CSMD3: variants seen among roughly 807,000 people sequenced by gnomAD.
The protein encoded by CSMD3 is CUB and sushi domain-containing protein 3.
Under a neutral mutation model 435.2 loss-of-function variants are expected in CSMD3, and 177 were observed. That is an observed-to-expected ratio of 0.41 (90% CI 0.36 to 0.46). The LOEUF is 0.46. CSMD3 is among the 20% of genes least tolerant of loss of function. The probability of loss-of-function intolerance (pLI) is 0.34; values close to 1 mark genes in which losing one functional copy is unlikely to be tolerated. For synonymous variants in CSMD3, 1,656 were observed against 1,520.5 expected (o/e 1.09, Z -2.07); for missense variants, 4,265 against 4,504.6 (o/e 0.95, Z 1.52).
chr8:112,972,715 C>G (rs1157249134), intron 7 of CSMD3, among the ~76,000 whole-genome samples: 6 of 151,910 alleles, frequency 3.9e-5, no homozygotes, highest in African/African-American at 1.4e-4. Context: ...ATTATAAACA[C>G]TTATTCATTA....
chr8:112,323,378 T>C (rs1823185737), intron 45 of CSMD3, among the ~76,000 whole-genome samples: 1 of 152,060 alleles, frequency 6.6e-6, no homozygotes, highest in Admixed American at 6.6e-5. Flanking sequence ...TAATTCCCGC[T>C]GTACTGGGTT....
Position 112,292,652 on chromosome 8 carries a change from G to A in CSMD3, c.8673C>T (p.Phe2891=), listed in dbSNP as rs777412084. 8.1e-6 allele frequency: 13 copies of A among 1,613,642 alleles called. No individual in the cohort carries two copies. Among genetic ancestry groups the A allele is most frequent in the African/African-American group, 1.3e-5 (1 of 74,884 alleles). Residue 2891 remains phenylalanine, a synonymous_variant, in exon 55 of 71, where the codon TTC becomes TTT. Transcript: ENST00000297405. ...AGAATGTTACCACATCATTAAAGTT[G>A]AACCCATTTCCACTTGTTCTTCCAT... The part of the protein sequence containing the change: ...PIYGRTSGNG[F]NFNDVVTFSC...
chr8:112,576,096 T>C (rs1829921195), intron 23 of CSMD3, among the ~76,000 whole-genome samples: 2 of 152,184 alleles, frequency 1.3e-5, no homozygotes, highest in South Asian at 4.1e-4. Flanking sequence ...TATTTCTCTA[T>C]TTATGTGTGG....
intron 32 of CSMD3, among the ~76,000 whole-genome samples, chr8:112,425,054 A>G (rs1013593061): frequency 3.9e-5 from 6 of 152,210 alleles, no homozygotes; most frequent in African/African-American, 1.2e-4. Flanking sequence ...TGAATAAGTA[A>G]CTACATTTTA....
intron 3 of CSMD3, among the ~76,000 whole-genome samples, chr8:113,222,341 A>G (rs571708897): frequency 2.6e-5 from 4 of 151,100 alleles, no homozygotes; most frequent in South Asian, 2.1e-4. Flanking sequence ...AATTTAGAAA[A>G]CCTGTATAAA....
chr8:113,409,211 T>C (rs1030461921), intron 1 of CSMD3, among the ~76,000 whole-genome samples: 4 of 151,462 alleles, frequency 2.6e-5, no homozygotes, highest in Middle Eastern at 3.4e-3. Context: ...GCTTCCTGAG[T>C]AGCTGGGATT....
At chr8:113,397,174 G>A (rs181778890) in intron 1 of CSMD3, among the ~76,000 whole-genome samples, 1 of 152,164 alleles carries the variant, frequency 6.6e-6, no homozygotes, top group East Asian at 1.9e-4. Flanking sequence ...CTAGCCTAAT[G>A]GTAGATTTTA....
intron 28 of CSMD3, among the ~76,000 whole-genome samples, chr8:112,516,150 T>C (rs2130981491): frequency 6.6e-6 from 1 of 152,244 alleles, no homozygotes; most frequent in East Asian, 1.9e-4. Context: ...AAAAATAAGA[T>C]TCTCCCTCTA....
At chr8:112,783,458 G>A (rs1049342374) in intron 13 of CSMD3, among the ~76,000 whole-genome samples, 3 of 94,804 alleles carry the variant, frequency 3.2e-5, no homozygotes, top group African/African-American at 1.3e-4. Context: ...AGGAAGGAAG[G>A]AAGGAAGGAA....
chr8:113,299,174 G>C (rs939081592), intron 2 of CSMD3, among the ~76,000 whole-genome samples: 1 of 151,950 alleles, frequency 6.6e-6, no homozygotes, highest in African/African-American at 2.4e-5. Flanking sequence ...TAACCAATTT[G>C]GTTTCAACTG....
chr8:112,530,684 G>A (rs188685194), intron 27 of CSMD3, among the ~76,000 whole-genome samples: 57 of 152,202 alleles, frequency 3.7e-4, no homozygotes, highest in African/African-American at 1.3e-3. Context: ...CACAGCAAAC[G>A]TACAACACAA....
intron 5 of CSMD3, among the ~76,000 whole-genome samples, chr8:113,025,297 G>A (rs1209365650): frequency 6.6e-6 from 1 of 152,164 alleles, no homozygotes; most frequent in Non-Finnish European, 1.5e-5. Flanking sequence ...GTCTTAGGGT[G>A]TGGTTTAGTA....
At chr8:112,846,303 T>TTTCC (rs371264028) in intron 11 of CSMD3, among the ~76,000 whole-genome samples, 4 of 150,848 alleles carry the variant, frequency 2.7e-5, no homozygotes, top group East Asian at 2.0e-4. Context: ...CTCTTTCTCC[T>TTTCC]TTCCTTCCTT....
intron 58 of CSMD3, among the ~76,000 whole-genome samples, chr8:112,281,683 TA>T (rs1411335049): frequency 6.6e-6 from 1 of 152,116 alleles, no homozygotes; most frequent in African/African-American, 2.4e-5. Context: ...AATCTCTGTC[TA>T]AAAAGCAACT....
chr8:113,363,134 A>G (rs182988385), intron 1 of CSMD3, among the ~76,000 whole-genome samples: 2 of 152,280 alleles, frequency 1.3e-5, no homozygotes, highest in African/African-American at 2.4e-5. Flanking sequence ...TGACTCTCAT[A>G]AGGTTAAGCC....
At chr8:112,439,531 C>G (rs1003681346) in intron 32 of CSMD3, among the ~76,000 whole-genome samples, 1 of 151,888 alleles carries the variant, frequency 6.6e-6, no homozygotes, top group Admixed American at 6.6e-5. Context: ...TTATATATAC[C>G]TTTGTATACA....
At chr8:112,399,265 AT>A (rs111906592) in intron 35 of CSMD3, among the ~76,000 whole-genome samples, 67 of 145,376 alleles carry the variant, frequency 4.6e-4, no homozygotes, top group East Asian at 6.2e-4. Flanking sequence ...TTGATTCCAA[AT>A]TTTTTTTTTT....
At chr8:113,322,665 A>G (rs1259290917) in intron 1 of CSMD3, among the ~76,000 whole-genome samples, 1 of 152,226 alleles carries the variant, frequency 6.6e-6, no homozygotes, top group Non-Finnish European at 1.5e-5. Flanking sequence ...GATTCTATAG[A>G]TAAATTGGGG....
At chr8:113,025,703 G>A (rs768926426) in intron 5 of CSMD3, among the ~76,000 whole-genome samples, 5 of 152,098 alleles carry the variant, frequency 3.3e-5, no homozygotes, top group Non-Finnish European at 7.4e-5. Context: ...GTTGAATGTT[G>A]AGCTGTCAGG....
Sources: gnomAD v4.1 joint callset for allele counts (sites outside exome capture counted in the v4.1 genomes callset) on GRCh38, gnomAD v4.1.1 for gene constraint, MANE v1.5 for transcripts, NCBI Gene and HGNC (gene_info 2026-07-23, HGNC 2026-07-21) for gene names.